Variants in VSTM4 observed in about 807,000 individuals in gnomAD.
VSTM4 encodes V-set and transmembrane domain containing 4.
A neutral mutation model predicts 36.4 loss-of-function variants in VSTM4; 20 were observed. The ratio of observed to expected loss-of-function variants is 0.55; its 90% CI spans 0.39 to 0.80. The LOEUF is 0.80. Ranked by LOEUF, VSTM4 falls within the 30% of genes least tolerant of loss-of-function variation. The pLI is 0.00. For synonymous variants in VSTM4, 182 were observed against 173.9 expected (o/e 1.05, Z -0.37); for missense variants, 392 against 404.5 (o/e 0.97, Z 0.26).
chr10:49,115,517 G>A lies in VSTM4; in HGVS notation c.-32C>T, dbSNP rs982506443. 2.1e-5 allele frequency: 21 copies of A among 981,540 alleles called. No individual in the cohort carries two copies. In the South Asian group the frequency reaches 2.3e-4, roughly 11 times the overall value. The allele number at this position is 981,540 out of a possible 1,614,324, so 60.8% of individuals were successfully genotyped here. ...GCCGCCGCCCGGCGCTGTGACGCGG[G>A]AGAGCGCCGCCGCCTGGCCCGGCCG... On this transcript the variant is annotated 5_prime_UTR_variant, in exon 1 of 8. Coordinates refer to ENST00000332853, the MANE Select transcript of VSTM4 (RefSeq NM_001031746.5).
At chr10:49,075,150 C>G (rs767582134) in intron 4 of VSTM4, among the ~76,000 whole-genome samples, 8 of 152,218 alleles carry the variant, frequency 5.3e-5, no homozygotes, top group African/African-American at 9.6e-5. Context: ...GCTGGGATCC[C>G]CATTCTCTGA....
Position 49,019,534 on chromosome 10 carries a change from G to A in VSTM4, c.*116C>T. On this transcript the variant is annotated 3_prime_UTR_variant, in exon 8 of 8. Transcript: ENST00000332853. The stretch of plus-strand genomic sequence containing the variant: ...GCACCCAGAATGCTGCTGAAAAGGG[G>A]CTCCCCACCACTCAGAAGGCATGAG... 8 of 1,389,982 alleles carry A rather than the reference G, an allele frequency of 5.8e-6. No individual in the cohort carries two copies. Among genetic ancestry groups the A allele is most frequent in the Middle Eastern group, 2.5e-4 (1 of 3,934 alleles). 86.1% of individuals were successfully genotyped at this position (1,389,982 alleles called of 1,614,324 possible).
At chr10:49,027,034 C>T (rs552976442) in intron 7 of VSTM4, among the ~76,000 whole-genome samples, 1 of 152,216 alleles carries the variant, frequency 6.6e-6, no homozygotes, top group African/African-American at 2.4e-5. Context: ...CAAGGTGGAC[C>T]CCTACTCCTT....
Position 49,070,059 on chromosome 10 carries a change from C to T in VSTM4, c.635-5323G>A, listed in dbSNP as rs906503616. 4.6e-4 allele frequency among the ~76,000 whole-genome samples: 30 copies of T among 65,458 alleles called. 9 individuals are homozygous for T. The highest frequency in any genetic ancestry group is 5.6e-3 in the Middle Eastern group (1 of 178). The allele number at this position is 65,458 out of a possible 152,430, so 42.9% of individuals were successfully genotyped here. A position where few individuals can be genotyped will look rare whatever the true frequency, so the allele number is the denominator to read the frequency against. On this transcript the variant is annotated intron_variant, in intron 4 of 7. Coordinates refer to ENST00000332853, the MANE Select transcript of VSTM4 (RefSeq NM_001031746.5). ...CGAGGTCAGGAGATCGAGACCATCC[C>T]GGCTAAAACGGTGAAACCCCGTCTC...
intron 2 of VSTM4, among the ~76,000 whole-genome samples, chr10:49,090,262 G>A (rs1049899553): frequency 1.2e-4 from 19 of 152,184 alleles, no homozygotes; most frequent in African/African-American, 3.4e-4. Context: ...CCATTCTGCC[G>A]TACTGGGCTC....
chr10:49,081,105 T>G (rs1844270472), intron 3 of VSTM4, among the ~76,000 whole-genome samples: 1 of 152,198 alleles, frequency 6.6e-6, no homozygotes, highest in Non-Finnish European at 1.5e-5. Context: ...CCAGGATTTG[T>G]GGCAGGATCC....
intron 7 of VSTM4, among the ~76,000 whole-genome samples, chr10:49,026,943 T>A (rs1252518978): frequency 6.6e-6 from 1 of 152,184 alleles, no homozygotes; most frequent in Non-Finnish European, 1.5e-5. Flanking sequence ...TCCAGGCTCC[T>A]CCCTGAAACT....
At chr10:49,097,736 T>C (rs1001836373) in intron 2 of VSTM4, among the ~76,000 whole-genome samples, 2 of 152,224 alleles carry the variant, frequency 1.3e-5, no homozygotes, top group African/African-American at 4.8e-5. Flanking sequence ...ATATTATTTT[T>C]CACTTACATG....
chr10:49,113,248 G>A (rs949456310), intron 1 of VSTM4, among the ~76,000 whole-genome samples: 10 of 152,208 alleles, frequency 6.6e-5, no homozygotes, highest in Non-Finnish European at 1.2e-4. Flanking sequence ...GAAAGAAATA[G>A]TTATATTACT....
At chr10:49,027,881 G>C (rs1331154497) in intron 7 of VSTM4, among the ~76,000 whole-genome samples, 4 of 152,204 alleles carry the variant, frequency 2.6e-5, no homozygotes, top group African/African-American at 9.7e-5. Context: ...TGGTTATAGA[G>C]TTGTTATAAA....
In VSTM4 at chr10:49,115,415, GC is replaced by G. The variant is rs1411904427; in HGVS notation, c.55+15del. ...CCCCCACCCTTCCCGCTCCCGCCTG[GC>G]CCCGCCGCGCTTACCCGGAGCCGGA... On this transcript the variant is annotated intron_variant, in intron 1 of 7. Transcript: ENST00000332853. 1 of 1,029,452 alleles carries G rather than the reference GC, an allele frequency of 9.7e-7. No individual in the cohort carries two copies. 63.8% of individuals were successfully genotyped at this position (1,029,452 alleles called of 1,614,324 possible).
chr10:49,111,893 G>A (rs183158966), intron 1 of VSTM4, among the ~76,000 whole-genome samples: 122 of 152,320 alleles, frequency 8.0e-4, no homozygotes, highest in Non-Finnish European at 1.6e-3. Context: ...CTAGACTTCG[G>A]GGTCAGGGGA....
At chr10:49,066,358 A>AGG (rs551127598) in intron 4 of VSTM4, among the ~76,000 whole-genome samples, 1 of 152,186 alleles carries the variant, frequency 6.6e-6, no homozygotes, top group East Asian at 1.9e-4. Flanking sequence ...ATCTTTCACA[A>AGG]GGGGGGGATG....
intron 2 of VSTM4, among the ~76,000 whole-genome samples, chr10:49,101,045 A>G (rs888294686): frequency 1.3e-5 from 2 of 152,094 alleles, no homozygotes; most frequent in Non-Finnish European, 2.9e-5. Context: ...TAAAGGAGTA[A>G]AGCTTTCTTT....
chr10:49,031,102 T>C (rs1843339506), intron 7 of VSTM4, among the ~76,000 whole-genome samples: 1 of 152,238 alleles, frequency 6.6e-6, no homozygotes, highest in African/African-American at 2.4e-5. Flanking sequence ...AGCCTTTGGT[T>C]ATCTACTTCA....
intron 7 of VSTM4, among the ~76,000 whole-genome samples, chr10:49,036,072 A>G (rs1439125663): frequency 1.3e-5 from 2 of 152,204 alleles, no homozygotes; most frequent in Non-Finnish European, 2.9e-5. Flanking sequence ...ACTTCCTGAT[A>G]CAGGATATTC....
chr10:49,035,162 G>T (rs915986213), intron 7 of VSTM4, among the ~76,000 whole-genome samples: 7 of 152,148 alleles, frequency 4.6e-5, no homozygotes, highest in African/African-American at 1.7e-4. Context: ...GGATGTGCAG[G>T]CCTGCCTCCT....
chr10:49,061,943 C>G (rs549783198), intron 5 of VSTM4, among the ~76,000 whole-genome samples: 1 of 152,292 alleles, frequency 6.6e-6, no homozygotes, highest in East Asian at 1.9e-4. Flanking sequence ...CTGTAATTCT[C>G]ATTCCTCTGT....
chr10:49,089,945 A>G (rs1318287592), intron 2 of VSTM4, among the ~76,000 whole-genome samples: 1 of 152,244 alleles, frequency 6.6e-6, no homozygotes, highest in East Asian at 1.9e-4. Flanking sequence ...TGACTCCACA[A>G]ATACTCTGCC....
Sources: allele counts gnomAD v4.1 joint callset (sites outside exome capture counted in the v4.1 genomes callset), GRCh38; gene constraint gnomAD v4.1.1; transcripts MANE v1.5; gene names NCBI Gene and HGNC (gene_info 2026-07-23, HGNC 2026-07-21).